The following ABLIM2 variants were observed in gnomAD, a reference collection of about 807,000 sequenced individuals.
ABLIM2 encodes the protein actin binding LIM protein family member 2, also known as actin-binding LIM protein 2.
ABLIM2 carries 53 observed loss-of-function variants against 97.7 expected under a neutral mutation model. The observed-to-expected ratio is 0.54, with a 90% confidence interval of 0.44 to 0.68. The LOEUF (loss-of-function observed/expected upper bound fraction) is 0.68, where lower values mean the gene tolerates loss of function less well. ABLIM2 is among the 30% of genes least tolerant of loss of function. The pLI, the probability that ABLIM2 is intolerant of heterozygous loss-of-function variation, is 0.00. For synonymous variants in ABLIM2, 361 were observed against 345.8 expected (o/e 1.04, Z -0.49); for missense variants, 835 against 867.2 (o/e 0.96, Z 0.47).
intron 16 of ABLIM2, among the ~76,000 whole-genome samples, chr4:7,997,880 CTTTT>C (rs1056106102): frequency 1.9e-4 from 28 of 151,338 alleles, no homozygotes; most frequent in Non-Finnish European, 3.2e-4. Flanking sequence ...TCTTTTTTTT[CTTTT>C]TTTCTTTTTT....
chr4:7,968,577 A>G (rs1316076008), intron 20 of ABLIM2, among the ~76,000 whole-genome samples: 1 of 152,238 alleles, frequency 6.6e-6, no homozygotes, highest in East Asian at 1.9e-4. Flanking sequence ...GAAGCCAGAC[A>G]CCAAAGACCA....
rs1577159624 is a variant in ABLIM2, at chr4:8,072,021, C to T, written c.675+5607G>A. 4.1e-6 allele frequency: 4 copies of T among 985,494 alleles called. No individual in the cohort carries two copies. In the Middle Eastern group the frequency reaches 1.6e-3, roughly 386 times the overall value. The allele number at this position is 985,494 out of a possible 1,614,324, so 61.0% of individuals were successfully genotyped here. A position where few individuals can be genotyped will look rare whatever the true frequency, so the allele number is the denominator to read the frequency against. ...GGCTTGTCCCCGCCCGCAGTTCCCACCTTGCACCCGGGGAGGATGCTCAGA... is the reference window on the plus strand; with the variant it reads ...GGCTTGTCCCCGCCCGCAGTTCCCATCTTGCACCCGGGGAGGATGCTCAGA... On this transcript the variant is annotated intron_variant, in intron 6 of 20. Transcript: ENST00000447017. This position sits in a 1 kb window ranked among gnomAD's most constrained non-coding sequence, Gnocchi z 5.8.
intron 6 of ABLIM2, among the ~76,000 whole-genome samples, chr4:8,073,334 C>G (rs1181551914): frequency 6.6e-6 from 1 of 150,718 alleles, no homozygotes; most frequent in Non-Finnish European, 1.5e-5. Context: ...AACTCTTTGT[C>G]AAGCAGAAGA....
chr4:8,109,582 C>T (rs1169788106), intron 1 of ABLIM2, among the ~76,000 whole-genome samples: 1 of 152,186 alleles, frequency 6.6e-6, no homozygotes, highest in Non-Finnish European at 1.5e-5. Context: ...CCATCCTCGC[C>T]TAGGGTCCCT....
Position 8,125,529 on chromosome 4 carries a change from A to G in ABLIM2, c.11-18892T>C, listed in dbSNP as rs1847476159. On this transcript the variant is annotated intron_variant, in intron 1 of 20. Transcript: ENST00000447017. This position sits in a 1 kb window ranked among gnomAD's most constrained non-coding sequence, Gnocchi z 6.2. Reference sequence around the variant, plus strand: ...TGGGATGGCTCTGCCATCAGCGTTGACGGTCTGGTCCATCTACCACAGTCG... The same window carrying G: ...TGGGATGGCTCTGCCATCAGCGTTGGCGGTCTGGTCCATCTACCACAGTCG... Among the ~76,000 whole-genome samples, 1 of 151,872 alleles carries G rather than the reference A, an allele frequency of 6.6e-6. No individual in the cohort carries two copies. The highest frequency in any genetic ancestry group is 2.1e-4 in the South Asian group (1 of 4,804).
rs117084079 is a variant in ABLIM2, at chr4:8,140,689, C to T, written c.10+17991G>A. Among the ~76,000 whole-genome samples the T allele has an allele frequency of 6.6e-6, 1 of 151,928 alleles. No individual in the cohort carries two copies. The highest frequency in any genetic ancestry group is 1.5e-5 in the Non-Finnish European group (1 of 67,958). Reference sequence around the variant, plus strand: ...AGAGAATACACAAGAGGGCAGTGACCCAGGGGAGCTGGGGCCTCCTGAAGG... The same window carrying T: ...AGAGAATACACAAGAGGGCAGTGACTCAGGGGAGCTGGGGCCTCCTGAAGG... On this transcript the variant is annotated intron_variant, in intron 1 of 20. Coordinates refer to ENST00000447017, the MANE Select transcript of ABLIM2 (RefSeq NM_001130083.2). This position sits in a 1 kb window ranked among gnomAD's most constrained non-coding sequence, Gnocchi z 5.9.
rs556964002 is a variant in ABLIM2 at position 8,072,493 on chromosome 4, C to T, written c.675+5135G>A. 8.5e-5 allele frequency among the ~76,000 whole-genome samples: 13 copies of T among 152,388 alleles called. No homozygotes were observed. Among genetic ancestry groups the T allele is most frequent in the Admixed American group, 7.8e-4 (12 of 15,308 alleles). On this transcript the variant is annotated intron_variant, in intron 6 of 20. Coordinates refer to ENST00000447017, the MANE Select transcript of ABLIM2 (RefSeq NM_001130083.2). This position sits in a 1 kb window ranked among gnomAD's most constrained non-coding sequence, Gnocchi z 5.8. Reference sequence around the variant, plus strand: ...GGGGCAGGTGAGGCTCCTGCACCAGCAGCAGCAACAGCCGCAGCTGACTGC... The same window carrying T: ...GGGGCAGGTGAGGCTCCTGCACCAGTAGCAGCAACAGCCGCAGCTGACTGC...
intron 7 of ABLIM2, among the ~76,000 whole-genome samples, chr4:8,056,786 G>A (rs1799447063): frequency 6.6e-6 from 1 of 151,584 alleles, no homozygotes; most frequent in Non-Finnish European, 1.5e-5. Flanking sequence ...CAAAAAATTA[G>A]CTGGGCATGG....
At chr4:8,110,137 G>A (rs1238561606) in intron 1 of ABLIM2, among the ~76,000 whole-genome samples, 3 of 152,380 alleles carry the variant, frequency 2.0e-5, no homozygotes, top group East Asian at 3.9e-4. Context: ...TGCCACACGG[G>A]TGATGCACCC....
At chr4:8,008,662 C>T (rs953950177) in intron 15 of ABLIM2, among the ~76,000 whole-genome samples, 4 of 152,198 alleles carry the variant, frequency 2.6e-5, no homozygotes, top group Non-Finnish European at 4.4e-5. Context: ...TCACAGAGTT[C>T]GGTAGCTGCA....
intron 2 of ABLIM2, among the ~76,000 whole-genome samples, chr4:8,106,191 T>C (rs1398184291): frequency 6.6e-6 from 1 of 152,184 alleles, no homozygotes; most frequent in African/African-American, 2.4e-5. Flanking sequence ...AGTGCTCAGG[T>C]GGCCACCTTC....
Position 8,130,646 on chromosome 4 carries a change from C to T in ABLIM2, c.11-24009G>A, listed in dbSNP as rs1442622802. ...CCCAGGGGAGCACAGGGTGATCTGA[C>T]CTGGCCTGGAGGGAGCAGAGGGGCT... On this transcript the variant is annotated intron_variant, in intron 1 of 20. Transcript: ENST00000447017. This position sits in a 1 kb window ranked among gnomAD's most constrained non-coding sequence, Gnocchi z 4.2. Among the ~76,000 whole-genome samples, 1 of 152,018 alleles carries T rather than the reference C, an allele frequency of 6.6e-6. No individual in the cohort carries two copies. Among genetic ancestry groups the T allele is most frequent in the Non-Finnish European group, 1.5e-5 (1 of 67,998 alleles).
intron 20 of ABLIM2, among the ~76,000 whole-genome samples, chr4:7,967,569 A>G (rs976615642): frequency 6.6e-6 from 1 of 152,198 alleles, no homozygotes; most frequent in African/African-American, 2.4e-5. Flanking sequence ...GCGGACAGTG[A>G]GCAAGAATGC....
At chr4:7,968,548 A>G (rs1351826151) in intron 20 of ABLIM2, among the ~76,000 whole-genome samples, 2 of 152,228 alleles carry the variant, frequency 1.3e-5, no homozygotes, top group Non-Finnish European at 2.9e-5. Flanking sequence ...TGAGCCCCAA[A>G]CACACTGGCT....
chr4:7,983,806 CG>C (rs1311493360), intron 18 of ABLIM2, among the ~76,000 whole-genome samples: 1 of 152,232 alleles, frequency 6.6e-6, no homozygotes, highest in Non-Finnish European at 1.5e-5. Flanking sequence ...AGCCGGAGGG[CG>C]GCACTGTGCT....
intron 10 of ABLIM2, among the ~76,000 whole-genome samples, chr4:8,031,757 C>T (rs1781074151): frequency 6.7e-6 from 1 of 149,020 alleles, no homozygotes; most frequent in African/African-American, 2.5e-5. Context: ...TGGAGTCTCG[C>T]TCTGTCACCC....
At chr4:7,976,216 C>T (rs62290616) in intron 20 of ABLIM2, among the ~76,000 whole-genome samples, 32,479 of 152,148 alleles carry the variant, frequency 0.21, 4,508 homozygotes, top group Middle Eastern at 0.33. Context: ...CACCATCGCA[C>T]CCGCACAGCC....
At chr4:7,978,126 GA>G (rs1011584418) in intron 20 of ABLIM2, among the ~76,000 whole-genome samples, 1 of 152,156 alleles carries the variant, frequency 6.6e-6, no homozygotes, top group African/African-American at 2.4e-5. Context: ...TCCTCTGAAA[GA>G]AAAACACCAG....
At chr4:8,062,731 G>A (rs1217745875) in intron 6 of ABLIM2, among the ~76,000 whole-genome samples, 1 of 152,088 alleles carries the variant, frequency 6.6e-6, no homozygotes, top group Non-Finnish European at 1.5e-5. Context: ...GAGCCACCAC[G>A]CCCGGCCTGG....
Sources: allele counts gnomAD v4.1 joint callset (sites outside exome capture counted in the v4.1 genomes callset), GRCh38; gene constraint gnomAD v4.1.1; non-coding constraint Gnocchi (gnomAD v3.1); transcripts MANE v1.5; gene names NCBI Gene and HGNC (gene_info 2026-07-23, HGNC 2026-07-21).